ADGRA3: variants seen among roughly 807,000 people sequenced by gnomAD.
ADGRA3 encodes the protein adhesion G protein-coupled receptor A3.
ADGRA3 carries 56 observed loss-of-function variants against 119.8 expected under a neutral mutation model. The ratio of observed to expected loss-of-function variants is 0.47; its 90% CI spans 0.38 to 0.58. The LOEUF is 0.58. Ranked by LOEUF, ADGRA3 falls within the 20% of genes least tolerant of loss-of-function variation. The probability of loss-of-function intolerance (pLI) is 0.00; values close to 1 mark genes in which losing one functional copy is unlikely to be tolerated. For missense variants in ADGRA3, 1,516 were observed against 1,649.0 expected (o/e 0.92, Z 1.40); for synonymous variants, 607 against 623.8 (o/e 0.97, Z 0.40).
chr4:22,401,352 AT>A (rs1560297629), intron 16 of ADGRA3, 78 bp downstream of exon 16: 5 of 1,306,236 alleles, frequency 3.8e-6, no homozygotes, highest in Non-Finnish European at 5.2e-6. Context: ...TTAAAGAATG[AT>A]TTTTTCTTTT....
chr4:22,464,829 G>A (rs766428677), intron 2 of ADGRA3, among the ~76,000 whole-genome samples: 11 of 152,204 alleles, frequency 7.2e-5, no homozygotes, highest in South Asian at 2.1e-4. Context: ...GCTGCCTGCC[G>A]CAGGAGCTGC....
At chr4:22,439,438 G>A (rs759912909) in intron 7 of ADGRA3, among the ~76,000 whole-genome samples, 1 of 152,180 alleles carries the variant, frequency 6.6e-6, no homozygotes, top group Non-Finnish European at 1.5e-5. Flanking sequence ...GACCCAGTAT[G>A]CGTTGCTGTT....
intron 1 of ADGRA3, among the ~76,000 whole-genome samples, chr4:22,511,692 C>T (rs781044848): frequency 9.9e-5 from 15 of 152,040 alleles, no homozygotes; most frequent in Non-Finnish European, 1.9e-4. Flanking sequence ...TGGCCATCCT[C>T]GACTCAGCCC....
intron 11 of ADGRA3, among the ~76,000 whole-genome samples, chr4:22,421,994 G>T (rs559750466): frequency 6.6e-6 from 1 of 150,910 alleles, no homozygotes; most frequent in Admixed American, 6.6e-5. Flanking sequence ...GAGTTTTAAA[G>T]GAATTCAGGA....
At chr4:22,449,475 G>A (rs1345974200) in intron 4 of ADGRA3, among the ~76,000 whole-genome samples, 1 of 152,028 alleles carries the variant, frequency 6.6e-6, no homozygotes, top group Non-Finnish European at 1.5e-5. Context: ...ATGTACAATT[G>A]TCTCCGATTT....
At chr4:22,495,776 GCCGGCACCTGTAGT>G (rs1003193234) in intron 1 of ADGRA3, among the ~76,000 whole-genome samples, 17 of 152,228 alleles carry the variant, frequency 1.1e-4, no homozygotes, top group Non-Finnish European at 2.2e-4. Flanking sequence ...GGGCGTGGTG[GCCGGCACCTGTAGT>G]CCCAGCTACT....
chr4:22,401,404 C>T, intron 16 of ADGRA3, 27 bp downstream of exon 16: 1 of 1,552,080 alleles, frequency 6.4e-7, no homozygotes, highest in Non-Finnish European at 8.7e-7. Context: ...GTAATTTTTT[C>T]CATTTCGGTT....
chr4:22,422,464 A>T (rs1336580782), intron 11 of ADGRA3, among the ~76,000 whole-genome samples: 1 of 152,158 alleles, frequency 6.6e-6, no homozygotes, highest in African/African-American at 2.4e-5. Flanking sequence ...TTTTTAATTC[A>T]ACTTATTTGT....
At chr4:22,483,135 T>C (rs899363954) in intron 1 of ADGRA3, among the ~76,000 whole-genome samples, 1 of 152,204 alleles carries the variant, frequency 6.6e-6, no homozygotes, top group Non-Finnish European at 1.5e-5. Context: ...TCACAGGTGC[T>C]AGACCTGCAA....
At chr4:22,466,230 C>T (rs926058080) in intron 2 of ADGRA3, among the ~76,000 whole-genome samples, 2 of 152,156 alleles carry the variant, frequency 1.3e-5, no homozygotes, top group African/African-American at 2.4e-5. Context: ...CTTCCCTTAA[C>T]ACTCACCCTG....
chr4:22,439,559 T>C (rs146165542), intron 7 of ADGRA3, among the ~76,000 whole-genome samples: 27 of 152,336 alleles, frequency 1.8e-4, no homozygotes, highest in East Asian at 1.7e-3. Context: ...TCCTAAATCA[T>C]TGACGGCTAC....
chr4:22,464,001 C>A (rs911108247), intron 2 of ADGRA3, among the ~76,000 whole-genome samples: 1 of 152,134 alleles, frequency 6.6e-6, no homozygotes, highest in East Asian at 1.9e-4. Flanking sequence ...TGCATCTAAT[C>A]CTCATTTTAA....
intron 1 of ADGRA3, among the ~76,000 whole-genome samples, chr4:22,475,636 A>G (rs1251044798): frequency 6.6e-6 from 1 of 152,014 alleles, no homozygotes; most frequent in East Asian, 1.9e-4. Context: ...CTGACGCAGG[A>G]GAATGGCGTG....
intron 10 of ADGRA3, among the ~76,000 whole-genome samples, chr4:22,434,138 C>T (rs1432796018): frequency 6.8e-6 from 1 of 147,370 alleles, no homozygotes; most frequent in African/African-American, 2.5e-5. Context: ...TTATATATAA[C>T]AATATATCTA....
intron 1 of ADGRA3, among the ~76,000 whole-genome samples, chr4:22,500,058 T>G (rs773818989): frequency 6.6e-6 from 1 of 152,098 alleles, no homozygotes; most frequent in Non-Finnish European, 1.5e-5. Flanking sequence ...CCCAAGAAGT[T>G]TTGGATTTTG....
chr4:22,390,364 CGTATT>C lies in ADGRA3; in HGVS notation c.2628-1186_2628-1182del, dbSNP rs1560292213. Among the ~76,000 whole-genome samples, 88 of 14,472 alleles carry C rather than the reference CGTATT, an allele frequency of 6.1e-3. 4 individuals are homozygous for C. In the East Asian group the frequency reaches 0.062, roughly 10 times the overall value. 9.5% of individuals were successfully genotyped at this position (14,472 alleles called of 152,430 possible). ...AAATACATATTATATATATATAATA[CGTATT>C]ATATATATATAATACGTATTATATA... On this transcript the variant is annotated intron_variant, in intron 17 of 18. Transcript: ENST00000334304.
chr4:22,474,268 A>G (rs1219771512), intron 1 of ADGRA3, among the ~76,000 whole-genome samples: 1 of 152,240 alleles, frequency 6.6e-6, no homozygotes, highest in Non-Finnish European at 1.5e-5. Flanking sequence ...GAAATAAGGT[A>G]TCTTCTAGAC....
intron 10 of ADGRA3, among the ~76,000 whole-genome samples, chr4:22,432,507 T>G (rs1691893712): frequency 6.6e-6 from 1 of 152,146 alleles, no homozygotes; most frequent in Non-Finnish European, 1.5e-5. Context: ...AGCCATATAT[T>G]TGTAAAAATC....
intron 6 of ADGRA3, 133 bp downstream of exon 6, chr4:22,444,840 T>A (rs909936957): frequency 1.2e-6 from 1 of 865,314 alleles, no homozygotes; most frequent in Admixed American, 2.6e-5. Context: ...CTAAATATTA[T>A]CAAATCCATA....
Sources: allele counts gnomAD v4.1 joint callset (sites outside exome capture counted in the v4.1 genomes callset), GRCh38; gene constraint gnomAD v4.1.1; transcripts MANE v1.5; gene names NCBI Gene and HGNC (gene_info 2026-07-23, HGNC 2026-07-21).